Variants in SLCO3A1 observed in about 807,000 individuals in gnomAD.
The protein encoded by SLCO3A1 is solute carrier organic anion transporter family member 3A1.
In SLCO3A1, 27 loss-of-function variants were observed where a neutral mutation model predicts 63.1. The observed-to-expected ratio is 0.43, with a 90% CI of 0.32 to 0.59. The LOEUF (loss-of-function observed/expected upper bound fraction) is 0.59, where lower values mean the gene tolerates loss of function less well. SLCO3A1 is among the 20% of genes least tolerant of loss of function. SLCO3A1 has a pLI of 0.09. For synonymous variants in SLCO3A1, 473 were observed against 409.9 expected (o/e 1.15, Z -1.86); for missense variants, 773 against 945.8 (o/e 0.82, Z 2.40).
chr15:92,095,781 G>C (rs57717400), intron 3 of SLCO3A1, among the ~76,000 whole-genome samples: 1 of 152,128 alleles, frequency 6.6e-6, no homozygotes, highest in African/African-American at 2.4e-5. Flanking sequence ...TCTCAGGATC[G>C]ATAAGCATTC....
Position 92,020,207 on chromosome 15 carries a change from C to T in SLCO3A1, c.647-74674C>T, listed in dbSNP as rs567918271. On this transcript the variant is annotated intron_variant, in intron 2 of 9. Coordinates refer to ENST00000318445, the MANE Select transcript of SLCO3A1 (RefSeq NM_013272.4). ...TGCGATGTGTGCATGTGTATATATA[C>T]ACACACACACTATATATACACACAC... Among the ~76,000 whole-genome samples, 7 of 149,328 alleles carry T rather than the reference C, an allele frequency of 4.7e-5. No individual in the cohort carries two copies. The South Asian group carries it at 1.5e-3, about 31-fold the overall frequency.
At position 91,854,321 on chromosome 15, in the gene SLCO3A1, C is replaced by A. The variant is rs1359477831; in HGVS notation, c.180+233C>A. ...ATGCCGGTAGCAGCTCGCGCGCGTC[C>A]GGCTGGGGCAGGGGGTGCCGGGGGA... On this transcript the variant is annotated intron_variant, in intron 1 of 9. Transcript: ENST00000318445. The surrounding 1 kb of genome is among the most constrained non-coding windows in gnomAD (Gnocchi z 6.4). 9.7e-7 allele frequency: 1 copy of A among 1,033,796 alleles called. No individual in the cohort carries two copies. Among genetic ancestry groups the A allele is most frequent in the Non-Finnish European group, 1.2e-6 (1 of 860,310 alleles). The allele number at this position is 1,033,796 out of a possible 1,614,324, so 64.0% of individuals were successfully genotyped here. A position where few individuals can be genotyped will look rare whatever the true frequency, so the allele number is the denominator to read the frequency against.
intron 2 of SLCO3A1, among the ~76,000 whole-genome samples, chr15:92,010,731 A>C (rs1390878722): frequency 6.6e-6 from 1 of 152,150 alleles, no homozygotes; most frequent in Non-Finnish European, 1.5e-5. Flanking sequence ...TTTCTGCATG[A>C]TGACCCCTCT....
intron 2 of SLCO3A1, among the ~76,000 whole-genome samples, chr15:91,923,672 A>G (rs1898919928): frequency 6.6e-6 from 1 of 152,264 alleles, no homozygotes; most frequent in South Asian, 2.1e-4. Flanking sequence ...ACAGAAATGT[A>G]ATAAGAAAAC....
chr15:92,095,297 T>G (rs2047525004), intron 3 of SLCO3A1, among the ~76,000 whole-genome samples: 1 of 152,248 alleles, frequency 6.6e-6, no homozygotes, highest in Non-Finnish European at 1.5e-5. Flanking sequence ...AGATAAGAAT[T>G]TAATGAGAGT....
intron 2 of SLCO3A1, among the ~76,000 whole-genome samples, chr15:91,958,427 G>A (rs1488496251): frequency 4.6e-5 from 7 of 152,198 alleles, no homozygotes; most frequent in African/African-American, 1.7e-4. Context: ...CTGGATTTGG[G>A]CAGCCCCGCG....
chr15:92,164,085 C>T lies in SLCO3A1; in HGVS notation c.*950C>T. 1.0e-6 allele frequency: 1 copy of T among 980,286 alleles called. No homozygotes were observed. The highest frequency in any genetic ancestry group is 4.7e-5 in the South Asian group (1 of 21,202). 60.7% of individuals were successfully genotyped at this position (980,286 alleles called of 1,614,324 possible). A position where few individuals can be genotyped will look rare whatever the true frequency, so the allele number is the denominator to read the frequency against. The stretch of plus-strand genomic sequence containing the variant: ...AATTTCAAACTGTTGTATGTATAAT[C>T]CTCTAATACTATTTTTAACTACTTC... On this transcript the variant is annotated 3_prime_UTR_variant, in exon 10 of 10. Coordinates refer to ENST00000318445, the MANE Select transcript of SLCO3A1 (RefSeq NM_013272.4).
rs934088155 is a variant in SLCO3A1, at chr15:91,882,021, A to G, written c.180+27933A>G. On this transcript the variant is annotated intron_variant, in intron 1 of 9. Transcript: ENST00000318445. The surrounding 1 kb of genome is among the most constrained non-coding windows in gnomAD (Gnocchi z 4.4). ...CAAGTACAAATGCTTTTCATTGGAG[A>G]GTTTGGTTCTAAAGCAGCCACTGAG... Among the ~76,000 whole-genome samples the G allele has an allele frequency of 6.6e-6, 1 of 152,066 alleles. No homozygotes were observed.
At chr15:92,020,952 T>C (rs8043469) in intron 2 of SLCO3A1, among the ~76,000 whole-genome samples, 28,041 of 152,212 alleles carry the variant, frequency 0.18, 2,774 homozygotes, top group Non-Finnish European at 0.21. Context: ...TTCATTGTTG[T>C]GTGATCTCAT....
intron 2 of SLCO3A1, among the ~76,000 whole-genome samples, chr15:91,951,807 G>A (rs1452916430): frequency 2.0e-5 from 3 of 151,962 alleles, no homozygotes; most frequent in African/African-American, 4.8e-5. Context: ...TGCCTGCCTC[G>A]GCCTCCCTAA....
chr15:92,092,621 C>A (rs369970963), intron 2 of SLCO3A1, among the ~76,000 whole-genome samples: 45 of 152,028 alleles, frequency 3.0e-4, no homozygotes, highest in African/African-American at 1.0e-3. Flanking sequence ...GTGTGGGTGC[C>A]GCTTCTGACT....
At position 92,165,145 on chromosome 15, in the gene SLCO3A1, A is replaced by T. The variant is rs2048483106; in HGVS notation, c.*2010A>T. ...AAATCTAGAGAAGGCACTCAGCAAG[A>T]CCAACCAAAAGAAAAGCTGTGTCGT... On this transcript the variant is annotated 3_prime_UTR_variant, in exon 10 of 10. Transcript: ENST00000318445. 1.0e-6 allele frequency: 1 copy of T among 985,352 alleles called. No homozygotes were observed. Among genetic ancestry groups the T allele is most frequent in the South Asian group, 4.7e-5 (1 of 21,294 alleles). 61.0% of individuals were successfully genotyped at this position (985,352 alleles called of 1,614,324 possible). A position where few individuals can be genotyped will look rare whatever the true frequency, so the allele number is the denominator to read the frequency against.
intron 2 of SLCO3A1, among the ~76,000 whole-genome samples, chr15:91,919,043 T>C (rs914128952): frequency 2.2e-4 from 34 of 152,152 alleles, no homozygotes; most frequent in African/African-American, 7.2e-5. Context: ...TCCCTTTGGG[T>C]GTCAGCAGGG....
Position 92,145,698 on chromosome 15 carries a change from G to T in SLCO3A1, c.1513-1286G>T, listed in dbSNP as rs538854896. On this transcript the variant is annotated intron_variant, in intron 7 of 9. Coordinates refer to ENST00000318445, the MANE Select transcript of SLCO3A1 (RefSeq NM_013272.4). ...GAGGTACATGAGAAGGAACAGAGGG[G>T]CGGGGCCTCGGGATCTTCTGGGAAT... 1.4e-3 allele frequency among the ~76,000 whole-genome samples: 219 copies of T among 152,290 alleles called. 1 individual carries two copies. Among genetic ancestry groups the T allele is most frequent in the African/African-American group, 4.8e-3 (201 of 41,550 alleles).
intron 2 of SLCO3A1, among the ~76,000 whole-genome samples, chr15:91,993,926 A>T (rs2046158717): frequency 6.6e-6 from 1 of 152,154 alleles, no homozygotes; most frequent in Non-Finnish European, 1.5e-5. Context: ...CCTTCCTGCC[A>T]ACAACCAGCC....
Position 91,931,793 on chromosome 15 carries a change from ACACACACG to A in SLCO3A1, c.646+15343_646+15350del, listed in dbSNP as rs897144112. Among the ~76,000 whole-genome samples, 28 of 149,312 alleles carry A rather than the reference ACACACACG, an allele frequency of 1.9e-4. 1 individual carries two copies. Among genetic ancestry groups the A allele is most frequent in the African/African-American group, 3.7e-4 (15 of 40,176 alleles). On this transcript the variant is annotated intron_variant, in intron 2 of 9. Transcript: ENST00000318445. ...GCTGGTGTCTTAAGTGTGGAAACAC[ACACACACG>A]CACACACACACACACACACACTCAC...
chr15:92,167,498 C>A (rs1042973423), downstream of SLCO3A1, among the ~76,000 whole-genome samples: 1 of 152,188 alleles, frequency 6.6e-6, no homozygotes, highest in Non-Finnish European at 1.5e-5. Context: ...TTTTATTACA[C>A]CTGCTCCGCC....
intron 1 of SLCO3A1, among the ~76,000 whole-genome samples, chr15:91,873,804 A>G (rs1203674679): frequency 1.3e-5 from 2 of 152,216 alleles, no homozygotes; most frequent in Non-Finnish European, 2.9e-5. Context: ...TGCCATTTCT[A>G]GCTCTATACC....
chr15:92,007,940 T>C (rs921801414), intron 2 of SLCO3A1, among the ~76,000 whole-genome samples: 1 of 152,176 alleles, frequency 6.6e-6, no homozygotes, highest in African/African-American at 2.4e-5. Context: ...AGAAAGACTT[T>C]AGAAAGAGCC....
Sources: allele counts gnomAD v4.1 joint callset (sites outside exome capture counted in the v4.1 genomes callset), GRCh38; gene constraint gnomAD v4.1.1; non-coding constraint Gnocchi (gnomAD v3.1); transcripts MANE v1.5; gene names NCBI Gene and HGNC (gene_info 2026-07-23, HGNC 2026-07-21).